Variants in GP6 observed in about 807,000 individuals in gnomAD.
The protein encoded by GP6 is glycoprotein VI platelet, also known as platelet glycoprotein VI.
In GP6, 45 loss-of-function variants were observed where a neutral mutation model predicts 37.3. The observed-to-expected ratio is 1.21, with a 90% CI of 0.95 to 1.55. The LOEUF is 1.55. GP6 is among the 40% of genes most tolerant of loss of function. The pLI, the probability that GP6 is intolerant of heterozygous loss-of-function variation, is 0.00. For missense variants in GP6, 813 were observed against 760.2 expected (o/e 1.07, Z -0.82); for synonymous variants, 340 against 316.4 (o/e 1.07, Z -0.79).
intron 3 of GP6, among the ~76,000 whole-genome samples, chr19:55,031,833 C>T (rs984577305): frequency 1.3e-5 from 2 of 152,046 alleles, no homozygotes; most frequent in Non-Finnish European, 2.9e-5. Flanking sequence ...ATGAGCTGGG[C>T]GTGGTGGTGC....
chr19:55,028,178 T>C (rs949566560), intron 3 of GP6, among the ~76,000 whole-genome samples: 1 of 152,190 alleles, frequency 6.6e-6, no homozygotes, highest in Non-Finnish European at 1.5e-5. Context: ...AATGAGACAG[T>C]ACACAGTAAT....
In GP6 at chr19:55,027,859, A is replaced by G. The variant is rs1202734720; in HGVS notation, c.329T>C (p.Val110Ala). 1 of 1,613,804 alleles carries G rather than the reference A, an allele frequency of 6.2e-7. No homozygotes were observed. The highest frequency in any genetic ancestry group is 1.1e-5 in the South Asian group (1 of 91,074). ...GGCTGAGAGCGAGGGTTTGGCAAAA[A>G]CTCCTGGGAGAAAAAGAAAGTCTGA... The change falls in exon 4 of 8, where the codon GTT becomes GCT. Residue 110 changes from valine to alanine, a missense_variant. Coordinates refer to ENST00000310373, the MANE Select transcript of GP6 (RefSeq NM_001083899.2).
At chr19:55,032,576 CTTTTATGGACATTCCTGCCT>C (rs1568639063) in intron 1 of GP6, 38 bp from the exon 2 acceptor site, 1 of 1,610,386 alleles carries the variant, frequency 6.2e-7, no homozygotes, top group East Asian at 2.2e-5. Flanking sequence ...CCAGGACTCG[CTTTTATGGACATTCCTGCCT>C]GCTGGGCGCG....
At chr19:55,017,051 CA>C (rs920944888) in intron 6 of GP6, among the ~76,000 whole-genome samples, 3 of 151,066 alleles carry the variant, frequency 2.0e-5, no homozygotes, top group Admixed American at 2.0e-4. Flanking sequence ...CAACAAAAAA[CA>C]AAAAAACCAT....
At chr19:55,021,201 G>GAAA (rs71181727) in intron 5 of GP6, among the ~76,000 whole-genome samples, 39 of 127,404 alleles carry the variant, frequency 3.1e-4, no homozygotes, top group Admixed American at 1.3e-3. Context: ...TCTACTAAAA[G>GAAA]AAAAAAAAAA....
At chr19:55,023,837 A>C (rs1450068350) in intron 5 of GP6, among the ~76,000 whole-genome samples, 1 of 152,180 alleles carries the variant, frequency 6.6e-6, no homozygotes, top group Non-Finnish European at 1.5e-5. Context: ...GGATATCTCA[A>C]ACGGTTGCAT....
intron 3 of GP6, among the ~76,000 whole-genome samples, chr19:55,029,324 A>G (rs1453720465): frequency 9.0e-3 from 7 of 780 alleles, no homozygotes; most frequent in Non-Finnish European, 0.012. Flanking sequence ...GCATATATAT[A>G]TATATATATA....
In GP6 at chr19:55,029,366, A is replaced by T. The variant is rs1568629148; in HGVS notation, c.326-1504T>A. Among the ~76,000 whole-genome samples, 8 of 2,482 alleles carry T rather than the reference A, an allele frequency of 3.2e-3. 1 individual carries two copies. Among genetic ancestry groups the T allele is most frequent in the Non-Finnish European group, 5.2e-3 (8 of 1,546 alleles). The allele number at this position is 2,482 out of a possible 152,430, so 1.6% of individuals were successfully genotyped here. ...TATATATATATATATATATATATAT[A>T]TATATATATTTTTTTTTTTTTTTTT... On this transcript the variant is annotated intron_variant, in intron 3 of 7. Transcript: ENST00000310373.
intron 7 of GP6, 149 bp from the exon 8 acceptor site, chr19:55,015,314 T>C: frequency 2.3e-6 from 3 of 1,301,498 alleles, no homozygotes; most frequent in African/African-American, 1.5e-5. Flanking sequence ...CCTTCCCGAG[T>C]AGGGGTCAGG....
In GP6 at chr19:55,032,361, T is replaced by TGG; in HGVS notation, c.101_102dup (p.Ser35ProfsTer11). On this transcript the variant is annotated frameshift_variant, in exon 3 of 8. Transcript: ENST00000310373. LOFTEE classifies it high-confidence loss of function. ...GGCTTCTCCAGGGGCACCAGGGAGC[T>TGG]GGGCAGAGCCTGGAGGGAGGGCTTG... 6.2e-7 allele frequency: 1 copy of TGG among 1,613,802 alleles called. No individual in the cohort carries two copies.
intron 1 of GP6, among the ~76,000 whole-genome samples, chr19:55,036,149 G>C (rs1404029056): frequency 1.3e-5 from 2 of 151,956 alleles, no homozygotes; most frequent in African/African-American, 4.8e-5. Flanking sequence ...AGTAATACAG[G>C]AGTGGAAAAC....
chr19:55,021,460 T>TA (rs1257078228), intron 5 of GP6, among the ~76,000 whole-genome samples: 1 of 151,124 alleles, frequency 6.6e-6, no homozygotes, highest in African/African-American at 2.4e-5. Context: ...CCCAACAGTG[T>TA]AAAAGCATTC....
chr19:55,038,068 C>T (rs2074905070), intron 1 of GP6, 135 bp downstream of exon 1: 1 of 758,444 alleles, frequency 1.3e-6, no homozygotes, highest in Non-Finnish European at 2.3e-6. Flanking sequence ...GTTTCCCCAC[C>T]CAACAAATGA....
At chr19:55,024,039 G>A (rs1263004020) in intron 5 of GP6, among the ~76,000 whole-genome samples, 2 of 152,210 alleles carry the variant, frequency 1.3e-5, no homozygotes, top group African/African-American at 2.4e-5. Flanking sequence ...ATGGTGACGC[G>A]AATCTACAAC....
chr19:55,024,280 A>ACACACATGCACG (rs1555798746), intron 5 of GP6, among the ~76,000 whole-genome samples: 7 of 30,316 alleles, frequency 2.3e-4, no homozygotes, highest in African/African-American at 5.0e-4. Flanking sequence ...ACGCATGCAC[A>ACACACATGCACG]CACACACATA....
chr19:55,026,850 C>T (rs2074323454), intron 4 of GP6, among the ~76,000 whole-genome samples: 1 of 151,662 alleles, frequency 6.6e-6, no homozygotes, highest in Non-Finnish European at 1.5e-5. Flanking sequence ...CGCGCCACTG[C>T]ACTCCAGCCT....
chr19:55,023,981 A>C (rs2074175855), intron 5 of GP6, among the ~76,000 whole-genome samples: 1 of 152,076 alleles, frequency 6.6e-6, no homozygotes, highest in Non-Finnish European at 1.5e-5. Context: ...AGGGTAGCCC[A>C]AGGGAGGCCC....
At chr19:55,019,091 C>CTTCT (rs1373540901) in intron 5 of GP6, among the ~76,000 whole-genome samples, 2 of 143,938 alleles carry the variant, frequency 1.4e-5, no homozygotes, top group African/African-American at 5.1e-5. Flanking sequence ...AACTACCAGA[C>CTTCT]TTCTTTCTTT....
chr19:55,032,391 G>A lies in GP6; in HGVS notation c.73C>T (p.Leu25Phe), dbSNP rs1445937339. Reference sequence around the variant, plus strand: ...AGAGCCTGGAGGGAGGGCTTGGGGAGCGGTCCTGGAAGAGGAGCAGGGCTG... The same window carrying A: ...AGAGCCTGGAGGGAGGGCTTGGGGAACGGTCCTGGAAGAGGAGCAGGGCTG... Residue 25 changes from leucine (L) to phenylalanine (F), a missense_variant, in exon 3 of 8, where the codon CTC becomes TTC. Physicochemically the swap from Leu to Phe is conservative, Grantham distance 22 (BLOSUM62 0). Transcript: ENST00000310373. 2 of 1,612,962 alleles carry A rather than the reference G, an allele frequency of 1.2e-6. No homozygotes were observed. Among genetic ancestry groups the A allele is most frequent in the Admixed American group, 3.3e-5 (2 of 59,918 alleles).
Sources: allele counts gnomAD v4.1 joint callset (sites outside exome capture counted in the v4.1 genomes callset), GRCh38; gene constraint gnomAD v4.1.1; transcripts MANE v1.5; gene names NCBI Gene and HGNC (gene_info 2026-07-23, HGNC 2026-07-21).